Variants in KDM4B observed in about 807,000 individuals in gnomAD.
KDM4B encodes lysine-specific demethylase 4B.
In KDM4B, 32 loss-of-function variants were observed where a neutral mutation model predicts 125.2. The observed-to-expected ratio is 0.26, with a 90% CI of 0.19 to 0.34. The LOEUF (loss-of-function observed/expected upper bound fraction) is 0.34, where lower values mean the gene tolerates loss of function less well. Ranked by LOEUF, KDM4B falls within the 10% of genes least tolerant of loss-of-function variation. The probability of loss-of-function intolerance (pLI) is 1.00; values close to 1 mark genes in which losing one functional copy is unlikely to be tolerated. For missense variants in KDM4B, 1,190 were observed against 1,577.7 expected, an observed-to-expected ratio of 0.75 and a Z score of 4.16; for synonymous variants, 721 against 677.9, an observed-to-expected ratio of 1.06 and a Z score of -0.99.
intron 21 of KDM4B, 51 bp downstream of exon 21, chr19:5,144,953 T>G (rs1374701590): frequency 6.2e-7 from 1 of 1,610,032 alleles, no homozygotes. Context: ...GCTCTTCTTG[T>G]AGGTGCGGGG....
At chr19:4,973,554 A>G (rs1244467251) in intron 1 of KDM4B, among the ~76,000 whole-genome samples, 1 of 152,168 alleles carries the variant, frequency 6.6e-6, no homozygotes, top group African/African-American at 2.4e-5. Flanking sequence ...AAAAAAGAAA[A>G]TTTGTATCTT....
At chr19:5,147,973 G>A (rs1005470316) in intron 21 of KDM4B, among the ~76,000 whole-genome samples, 2 of 152,176 alleles carry the variant, frequency 1.3e-5, no homozygotes, top group African/African-American at 2.4e-5. Context: ...CCTGGTCAGC[G>A]GGGCGGGTGG....
chr19:5,061,549 G>T lies in KDM4B; in HGVS notation c.627-9461G>T, dbSNP rs984741170. ...GGGAGGTGGCCTTTCCCCAGGATGAGGCTCCATGAAAGAAGATTTTTCCAG... is the reference window on the plus strand; with the variant it reads ...GGGAGGTGGCCTTTCCCCAGGATGATGCTCCATGAAAGAAGATTTTTCCAG... On this transcript the variant is annotated intron_variant, in intron 6 of 22. Coordinates refer to ENST00000159111, the MANE Select transcript of KDM4B (RefSeq NM_015015.3). Among the ~76,000 whole-genome samples, 9 of 152,164 alleles carry T rather than the reference G, an allele frequency of 5.9e-5. No individual in the cohort carries two copies. The South Asian group carries it at 1.9e-3, about 32-fold the overall frequency.
At chr19:5,122,362 G>A (rs2613798) in intron 11 of KDM4B, among the ~76,000 whole-genome samples, 1 of 151,928 alleles carries the variant, frequency 6.6e-6, no homozygotes, top group African/African-American at 2.4e-5. Flanking sequence ...GTCCTTCACT[G>A]AGTCCCACCT....
intron 8 of KDM4B, 105 bp downstream of exon 8, chr19:5,077,575 G>A (rs2038157033): frequency 2.1e-6 from 2 of 954,374 alleles, no homozygotes; most frequent in African/African-American, 1.6e-5. Context: ...CCCTGGAGAA[G>A]TTTCTAGAAC....
At chr19:5,119,599 T>A in intron 10 of KDM4B, 54 bp from the exon 11 acceptor site, 1 of 1,492,240 alleles carries the variant, frequency 6.7e-7, no homozygotes, top group Admixed American at 2.0e-5. Context: ...TGCACAGACC[T>A]AGGGCTCTTC....
intron 15 of KDM4B, among the ~76,000 whole-genome samples, chr19:5,136,481 G>A (rs1364126009): frequency 1.3e-5 from 2 of 152,106 alleles, no homozygotes; most frequent in East Asian, 1.9e-4. Flanking sequence ...GGGGGCTCGC[G>A]TTGTCTCCTG....
At chr19:4,988,964 G>A (rs2034940244) in intron 1 of KDM4B, among the ~76,000 whole-genome samples, 1 of 152,226 alleles carries the variant, frequency 6.6e-6, no homozygotes. Context: ...GGGCTGCCAA[G>A]CCCTTAGTCA....
At position 5,070,939 on chromosome 19, in the gene KDM4B, G is replaced by C. The variant is rs372838351; in HGVS notation, c.627-71G>C. On this transcript the variant is annotated intron_variant, in intron 6 of 22. Coordinates refer to ENST00000159111, the MANE Select transcript of KDM4B (RefSeq NM_015015.3). ...CACTGTCTGCGTCTCCCCAAGGCTG[G>C]TCCCACCAGGGACACCCCCTTGCGT... The C allele has an allele frequency of 5.9e-4, 907 of 1,535,898 alleles. 4 individuals carry two copies. Among genetic ancestry groups the C allele is most frequent in the Non-Finnish European group, 7.8e-4 (867 of 1,112,286 alleles).
At chr19:5,112,376 GC>G (rs1400404914) in intron 10 of KDM4B, 1 of 154,082 alleles carries the variant, frequency 6.5e-6, no homozygotes, top group Non-Finnish European at 1.4e-5. Flanking sequence ...TGGTGTGGGG[GC>G]AGCCTCCCCC....
chr19:5,038,888 G>T (rs1254681330), intron 3 of KDM4B, among the ~76,000 whole-genome samples: 1 of 152,244 alleles, frequency 6.6e-6, no homozygotes, highest in Non-Finnish European at 1.5e-5. Flanking sequence ...CTTCCTGTTG[G>T]CTCACTCCAG....
intron 6 of KDM4B, among the ~76,000 whole-genome samples, chr19:5,051,784 C>T (rs1034536719): frequency 6.6e-6 from 1 of 152,258 alleles, no homozygotes; most frequent in African/African-American, 2.4e-5. Flanking sequence ...GGACTGCGAC[C>T]TTGACCTGCC....
At chr19:4,978,040 G>A (rs760693290) in intron 1 of KDM4B, among the ~76,000 whole-genome samples, 6 of 152,266 alleles carry the variant, frequency 3.9e-5, no homozygotes, top group Non-Finnish European at 5.9e-5. Context: ...TCTTGCAGTC[G>A]GGCCGCGTGG....
intron 1 of KDM4B, among the ~76,000 whole-genome samples, chr19:5,008,957 C>G (rs1440457594): frequency 1.4e-5 from 2 of 145,008 alleles, no homozygotes; most frequent in African/African-American, 5.4e-5. Context: ...GCTGTGTTGC[C>G]CAGGCTGGAG....
At chr19:5,080,261 C>G (rs952866748) in intron 8 of KDM4B, among the ~76,000 whole-genome samples, 2 of 152,248 alleles carry the variant, frequency 1.3e-5, no homozygotes, top group Admixed American at 6.5e-5. Context: ...TGGCTGGCTT[C>G]TGAAAGCCTC....
intron 1 of KDM4B, among the ~76,000 whole-genome samples, chr19:4,996,370 G>A (rs745904157): frequency 6.6e-6 from 1 of 151,974 alleles, no homozygotes; most frequent in Non-Finnish European, 1.5e-5. Context: ...GAGTGTGTGT[G>A]CCTGTTTTAT....
intron 2 of KDM4B, among the ~76,000 whole-genome samples, chr19:5,027,006 G>C (rs1313654579): frequency 6.6e-6 from 1 of 152,218 alleles, no homozygotes; most frequent in Non-Finnish European, 1.5e-5. Context: ...CTCACACCAC[G>C]GGGCAGCCGA....
At chr19:5,120,615 ACT>A (rs1568310002) in intron 11 of KDM4B, among the ~76,000 whole-genome samples, 1 of 152,030 alleles carries the variant, frequency 6.6e-6, no homozygotes, top group Non-Finnish European at 1.5e-5. Flanking sequence ...TGGCTGTGGA[ACT>A]CCCACCTGTG....
intron 1 of KDM4B, among the ~76,000 whole-genome samples, chr19:4,999,368 A>G (rs1325788842): frequency 1.3e-5 from 2 of 152,006 alleles, no homozygotes; most frequent in Non-Finnish European, 2.9e-5. Flanking sequence ...AGCACTTCCC[A>G]ACTTTTTGGC....
Sources: gnomAD v4.1 joint callset for allele counts (sites outside exome capture counted in the v4.1 genomes callset) on GRCh38, gnomAD v4.1.1 for gene constraint, MANE v1.5 for transcripts, NCBI Gene and HGNC (gene_info 2026-07-23, HGNC 2026-07-21) for gene names.